Variants in DTNB observed in about 807,000 individuals in gnomAD.
DTNB encodes DTN-B.
DTNB carries 63 observed loss-of-function variants against 90.7 expected under a neutral mutation model. The observed-to-expected ratio is 0.69, with a 90% CI of 0.57 to 0.86. The LOEUF (loss-of-function observed/expected upper bound fraction) is 0.86. DTNB is among the 40% of genes least tolerant of loss of function. DTNB has a pLI of 0.00. For missense variants in DTNB, 744 were observed against 807.1 expected (o/e 0.92, Z 0.95); for synonymous variants, 277 against 286.7 (o/e 0.97, Z 0.34).
chr2:25,583,262 AAT>A (rs1359014707), intron 6 of DTNB, among the ~76,000 whole-genome samples: 5,223 of 137,166 alleles, frequency 0.038, 181 homozygotes, highest in African/African-American at 0.073. Context: ...AAAAAAAAAA[AAT>A]ATATATATAT....
At chr2:25,570,952 C>G (rs928371081) in intron 8 of DTNB, among the ~76,000 whole-genome samples, 2 of 152,198 alleles carry the variant, frequency 1.3e-5, no homozygotes, top group African/African-American at 4.8e-5. Context: ...CTCAACAACT[C>G]CATATGGACG....
At chr2:25,560,779 C>T (rs1399525633) in intron 8 of DTNB, among the ~76,000 whole-genome samples, 1 of 152,172 alleles carries the variant, frequency 6.6e-6, no homozygotes, top group Non-Finnish European at 1.5e-5. Context: ...CAAAGAGATA[C>T]TTTCCTAGAG....
chr2:25,607,905 G>A (rs2067489691), intron 4 of DTNB, among the ~76,000 whole-genome samples: 3 of 152,162 alleles, frequency 2.0e-5, no homozygotes, highest in South Asian at 2.1e-4. Context: ...TGAAGAGGAA[G>A]GGATAGTAAC....
At chr2:25,393,897 C>T (rs1218138078) in intron 16 of DTNB, among the ~76,000 whole-genome samples, 1 of 152,028 alleles carries the variant, frequency 6.6e-6, no homozygotes, top group African/African-American at 2.4e-5. Flanking sequence ...AAAAACAACC[C>T]TTAAATTCAT....
At chr2:25,607,971 A>G (rs2067505186) in intron 4 of DTNB, among the ~76,000 whole-genome samples, 1 of 152,168 alleles carries the variant, frequency 6.6e-6, no homozygotes, top group African/African-American at 2.4e-5. Context: ...TAAATGAATC[A>G]CCTAAGGTAA....
In DTNB at chr2:25,574,505, T is replaced by C. The variant is rs200022506; in HGVS notation, c.876+2333A>G. Among the ~76,000 whole-genome samples the C allele has an allele frequency of 4.6e-5, 7 of 152,336 alleles. No homozygotes were observed. In the East Asian group the frequency reaches 1.3e-3, roughly 29 times the overall value. On this transcript the variant is annotated intron_variant, in intron 8 of 20. Transcript: ENST00000406818. ...ACTTCCAGGTACTACTTAAAACTCA[T>C]ATGTCACATCTACAATGAAAATTCT...
chr2:25,449,252 G>A (rs868063289), intron 12 of DTNB, among the ~76,000 whole-genome samples: 1 of 152,120 alleles, frequency 6.6e-6, no homozygotes, highest in East Asian at 1.9e-4. Context: ...TGATAACTAC[G>A]TGGGCTATTC....
chr2:25,526,352 AATATATATAAATATATATATATATAT>A (rs1411686006), intron 9 of DTNB, among the ~76,000 whole-genome samples: 2 of 103,714 alleles, frequency 1.9e-5, no homozygotes, highest in African/African-American at 9.1e-5. Flanking sequence ...AGCACTTATA[AATATATATAAATATATATATATATAT>A]ATATATATAT....
chr2:25,404,280 C>T (rs368573578), intron 16 of DTNB, among the ~76,000 whole-genome samples: 2 of 152,262 alleles, frequency 1.3e-5, no homozygotes, highest in East Asian at 3.9e-4. Context: ...AGCAGCCTGG[C>T]CTGACGTTAT....
chr2:25,428,934 C>T (rs2052873322), intron 14 of DTNB, among the ~76,000 whole-genome samples: 1 of 152,316 alleles, frequency 6.6e-6, no homozygotes, highest in African/African-American at 2.4e-5. Context: ...GTTCTACGAA[C>T]TTTAAACTGC....
chr2:25,550,850 A>G (rs1393145356), intron 8 of DTNB, among the ~76,000 whole-genome samples: 1 of 152,128 alleles, frequency 6.6e-6, no homozygotes, highest in Non-Finnish European at 1.5e-5. Context: ...GGGTTTCACC[A>G]TTTTGGCCAC....
intron 1 of DTNB, chr2:25,672,953 A>G: frequency 6.5e-6 from 1 of 153,300 alleles, no homozygotes; most frequent in East Asian, 1.9e-4. Context: ...ATCTGAAATA[A>G]ATACCCTTCC....
At chr2:25,419,212 A>G in intron 16 of DTNB, 1 of 512,274 alleles carries the variant, frequency 2.0e-6, no homozygotes, top group South Asian at 2.4e-5. Context: ...CCAGACACAC[A>G]ACAACAGAGA....
At chr2:25,524,265 C>G (rs563684442) in intron 9 of DTNB, among the ~76,000 whole-genome samples, 12 of 151,748 alleles carry the variant, frequency 7.9e-5, no homozygotes, top group African/African-American at 2.9e-4. Flanking sequence ...ACCATTAACA[C>G]GTATTGAATA....
In DTNB at chr2:25,387,270, T is replaced by C. The variant is rs1192089815; in HGVS notation, c.1825+19A>G. 6.2e-7 allele frequency: 1 copy of C among 1,602,778 alleles called. No homozygotes were observed. Among genetic ancestry groups the C allele is most frequent in the East Asian group, 2.2e-5 (1 of 44,678 alleles). ...AGGCAGGGGAGGCCAGGAAGCTGGC[T>C]GGGAGCTCTGGGTTTCACCTGAATG... On this transcript the variant is annotated intron_variant, in intron 18 of 20. Transcript: ENST00000406818. This position sits in a 1 kb window ranked among gnomAD's most constrained non-coding sequence, Gnocchi z 4.5.
intron 8 of DTNB, among the ~76,000 whole-genome samples, chr2:25,566,737 C>G (rs571194429): frequency 2.0e-5 from 3 of 152,276 alleles, no homozygotes; most frequent in Admixed American, 2.0e-4. Context: ...AAATAACCAC[C>G]TGAAAGGGTT....
intron 1 of DTNB, among the ~76,000 whole-genome samples, chr2:25,672,033 G>A (rs1019943662): frequency 6.6e-6 from 1 of 151,964 alleles, no homozygotes; most frequent in South Asian, 2.1e-4. Flanking sequence ...GCCAATGGGA[G>A]AAGGAACAAA....
intron 1 of DTNB, among the ~76,000 whole-genome samples, chr2:25,667,457 T>C (rs1009172368): frequency 1.3e-5 from 2 of 152,046 alleles, no homozygotes; most frequent in Non-Finnish European, 2.9e-5. Context: ...ATCATGCCAC[T>C]GTATTCCACC....
chr2:25,479,418 C>T (rs1002285091), intron 10 of DTNB, among the ~76,000 whole-genome samples: 1 of 152,032 alleles, frequency 6.6e-6, no homozygotes, highest in Admixed American at 6.5e-5. Flanking sequence ...TGTTTTAAAG[C>T]CTTGAAAAGT....
Sources: gnomAD v4.1 joint callset for allele counts (sites outside exome capture counted in the v4.1 genomes callset) on GRCh38, gnomAD v4.1.1 for gene constraint, Gnocchi (gnomAD v3.1) non-coding constraint, MANE v1.5 for transcripts, NCBI Gene and HGNC (gene_info 2026-07-23, HGNC 2026-07-21) for gene names.